Variants in LURAP1L observed in about 807,000 individuals in gnomAD.
The protein encoded by LURAP1L is leucine rich adaptor protein 1 like.
A neutral mutation model predicts 13.8 loss-of-function variants in LURAP1L; 12 were observed. The observed-to-expected ratio is 0.87, with a 90% CI of 0.56 to 1.41. The LOEUF (loss-of-function observed/expected upper bound fraction) is 1.41, where lower values mean the gene tolerates loss of function less well. Ranked by LOEUF, LURAP1L falls within the 40% of genes most tolerant of loss-of-function variation. The pLI is 0.00. For synonymous variants in LURAP1L, 139 were observed against 119.2 expected, an observed-to-expected ratio of 1.17 and a Z score of -1.08; for missense variants, 375 against 292.9, an observed-to-expected ratio of 1.28 and a Z score of -2.04.
intron 1 of LURAP1L, among the ~76,000 whole-genome samples, chr9:12,779,865 AAC>A (rs1488154459): frequency 6.6e-6 from 1 of 152,182 alleles, no homozygotes; most frequent in African/African-American, 2.4e-5. Flanking sequence ...ACAAGCACTA[AAC>A]ACAGTCTCTG....
In LURAP1L at chr9:12,822,158, T is replaced by G. The variant is rs2118560929; in HGVS notation, c.*398T>G. The G allele has an allele frequency of 5.9e-6, 1 of 168,734 alleles. No individual in the cohort carries two copies. Among genetic ancestry groups the G allele is most frequent in the South Asian group, 1.6e-4 (1 of 6,430 alleles). The allele number at this position is 168,734 out of a possible 1,614,324, so 10.5% of individuals were successfully genotyped here. A position where few individuals can be genotyped will look rare whatever the true frequency, so the allele number is the denominator to read the frequency against. The stretch of plus-strand genomic sequence containing the variant: ...GTTGCTGCTTGCGTCCTTAAATGAC[T>G]TAAGGTTTCATCTTCCAGAAGATAT... On this transcript the variant is annotated 3_prime_UTR_variant, in exon 2 of 2. Transcript: ENST00000319264.
At position 12,788,332 on chromosome 9, in the gene LURAP1L, C is replaced by A. The variant is rs1289202298; in HGVS notation, c.312+12305C>A. ...CTTGGCAAGGATGGAGATAAATGGG[C>A]ACTCTTCTGCACTACTGCTAGAAGT... On this transcript the variant is annotated intron_variant, in intron 1 of 1. Transcript: ENST00000319264. Among the ~76,000 whole-genome samples, 4 of 151,964 alleles carry A rather than the reference C, an allele frequency of 2.6e-5. No individual in the cohort carries two copies. In the East Asian group the frequency reaches 7.7e-4, roughly 29 times the overall value.
chr9:12,779,398 C>G (rs1388135131), intron 1 of LURAP1L, among the ~76,000 whole-genome samples: 1 of 151,440 alleles, frequency 6.6e-6, no homozygotes, highest in Non-Finnish European at 1.5e-5. Flanking sequence ...CCTCAGCCTC[C>G]CAAGTAGCTG....
chr9:12,811,574 A>G (rs533044149), intron 1 of LURAP1L, among the ~76,000 whole-genome samples: 6 of 152,230 alleles, frequency 3.9e-5, no homozygotes, highest in African/African-American at 1.2e-4. Context: ...TACTTACTCT[A>G]TTTGTTCCTT....
At chr9:12,821,334 CT>C in intron 1 of LURAP1L, 51 bp from the exon 2 acceptor site, 1 of 1,562,320 alleles carries the variant, frequency 6.4e-7, no homozygotes, top group Non-Finnish European at 8.7e-7. Context: ...AATTTGAGGC[CT>C]TTCGAGAGTG....
intron 1 of LURAP1L, among the ~76,000 whole-genome samples, chr9:12,816,467 G>A (rs1255370595): frequency 2.0e-5 from 3 of 152,146 alleles, no homozygotes; most frequent in Admixed American, 2.0e-4. Flanking sequence ...ATTGGAGTCA[G>A]TACCATGTTC....
intron 1 of LURAP1L, among the ~76,000 whole-genome samples, chr9:12,815,208 G>A (rs998771153): frequency 6.6e-6 from 1 of 152,156 alleles, no homozygotes; most frequent in Non-Finnish European, 1.5e-5. Flanking sequence ...TCATCAAATT[G>A]AGGATGTCCT....
chr9:12,786,563 T>TATATATATATAC (rs1460684676), intron 1 of LURAP1L, among the ~76,000 whole-genome samples: 1 of 120,800 alleles, frequency 8.3e-6, no homozygotes, highest in African/African-American at 3.0e-5. Flanking sequence ...TATATATATA[T>TATATATATATAC]ATATATATAT....
intron 1 of LURAP1L, among the ~76,000 whole-genome samples, chr9:12,778,224 A>G (rs557603461): frequency 1.3e-5 from 2 of 152,124 alleles, no homozygotes; most frequent in South Asian, 4.2e-4. Context: ...ATAAGACCCA[A>G]TAGGATGTAG....
At chr9:12,802,247 G>T (rs1819597216) in intron 1 of LURAP1L, among the ~76,000 whole-genome samples, 1 of 152,162 alleles carries the variant, frequency 6.6e-6, no homozygotes, top group South Asian at 2.1e-4. Flanking sequence ...CAAAATCAGT[G>T]ATATGGTTTG....
At chr9:12,814,353 A>C (rs1203274682) in intron 1 of LURAP1L, 2 of 152,216 alleles carry the variant, frequency 1.3e-5, no homozygotes, top group African/African-American at 4.8e-5. Context: ...CTCTGCTGTG[A>C]ATATGGGGAG....
At chr9:12,808,308 T>C (rs987022733) in intron 1 of LURAP1L, among the ~76,000 whole-genome samples, 2 of 152,116 alleles carry the variant, frequency 1.3e-5, no homozygotes, top group African/African-American at 2.4e-5. Flanking sequence ...GTCTTTAGTA[T>C]TTACTACTTC....
intron 1 of LURAP1L, among the ~76,000 whole-genome samples, chr9:12,792,804 A>G (rs980265369): frequency 3.9e-5 from 6 of 152,156 alleles, no homozygotes; most frequent in Non-Finnish European, 7.4e-5. Context: ...CCTGACCCTG[A>G]CAACCCTGAG....
At chr9:12,814,213 A>C (rs1172236882) in intron 1 of LURAP1L, 1 of 152,184 alleles carries the variant, frequency 6.6e-6, no homozygotes, top group Non-Finnish European at 1.5e-5. Context: ...ACGGAGGAGC[A>C]CATTAACATG....
At chr9:12,782,621 T>G (rs999825416) in intron 1 of LURAP1L, among the ~76,000 whole-genome samples, 7 of 152,224 alleles carry the variant, frequency 4.6e-5, no homozygotes, top group African/African-American at 1.7e-4. Context: ...GCCAGTATCA[T>G]GCTGTTTTGG....
At chr9:12,807,739 G>C (rs558176620) in intron 1 of LURAP1L, among the ~76,000 whole-genome samples, 2 of 151,324 alleles carry the variant, frequency 1.3e-5, no homozygotes, top group East Asian at 3.9e-4. Context: ...TCTTTCCTTT[G>C]TTTGCTCATT....
At chr9:12,784,843 C>T (rs1018094955) in intron 1 of LURAP1L, among the ~76,000 whole-genome samples, 8 of 149,178 alleles carry the variant, frequency 5.4e-5, no homozygotes, top group Non-Finnish European at 1.0e-4. Flanking sequence ...GGTCTGGAGT[C>T]GGGAACTTTA....
intron 1 of LURAP1L, among the ~76,000 whole-genome samples, chr9:12,798,674 G>C (rs975676651): frequency 3.3e-5 from 5 of 152,176 alleles, no homozygotes; most frequent in African/African-American, 1.2e-4. Context: ...TGTGGTAGGA[G>C]AGAACAGCTA....
intron 1 of LURAP1L, among the ~76,000 whole-genome samples, chr9:12,807,371 A>G (rs1819675107): frequency 6.6e-6 from 1 of 152,114 alleles, no homozygotes; most frequent in African/African-American, 2.4e-5. Context: ...TTTGGAAGAG[A>G]TTATCTGTTT....
Sources: allele counts gnomAD v4.1 joint callset (sites outside exome capture counted in the v4.1 genomes callset), GRCh38; gene constraint gnomAD v4.1.1; transcripts MANE v1.5; gene names NCBI Gene and HGNC (gene_info 2026-07-23, HGNC 2026-07-21).